Variants in MERTK observed in about 807,000 individuals in gnomAD.
MERTK encodes the protein tyrosine-protein kinase Mer.
In MERTK, 69 loss-of-function variants were observed where a neutral mutation model predicts 99.3. That is an observed-to-expected ratio of 0.70 (90% CI 0.57 to 0.85). The LOEUF (loss-of-function observed/expected upper bound fraction) is 0.85. Among genes scored for constraint, MERTK ranks in the 40% least tolerant of loss-of-function variants. MERTK has a pLI of 0.00. For synonymous variants in MERTK, 426 were observed against 467.6 expected (o/e 0.91, Z 1.15); for missense variants, 1,125 against 1,249.4 (o/e 0.90, Z 1.50).
chr2:111,937,844 G>A (rs1684791122), intron 2 of MERTK, among the ~76,000 whole-genome samples: 1 of 152,016 alleles, frequency 6.6e-6, no homozygotes, highest in South Asian at 2.1e-4. Context: ...AACGGTGGCA[G>A]GTAAAAACAG....
At position 111,951,128 on chromosome 2, in the gene MERTK, G is replaced by A. The variant is rs186461596; in HGVS notation, c.757+3561G>A. 1.5e-3 allele frequency among the ~76,000 whole-genome samples: 232 copies of A among 151,678 alleles called. 3 individuals carry two copies. The highest frequency in any genetic ancestry group is 4.8e-3 in the African/African-American group (199 of 41,360). On this transcript the variant is annotated intron_variant, in intron 4 of 18. Transcript: ENST00000295408. ...TTTTCACATAGTTACCATTTGTGGC[G>A]GAGTTCGGGGGGCGGGGAGGGAGGG...
chr2:111,990,457 T>C (rs1305122555), intron 8 of MERTK, among the ~76,000 whole-genome samples: 2 of 152,214 alleles, frequency 1.3e-5, no homozygotes, highest in East Asian at 3.8e-4. Context: ...TGGCAACGGC[T>C]ATGATGCTGG....
At chr2:111,958,196 G>A (rs1323309978) in intron 4 of MERTK, among the ~76,000 whole-genome samples, 1 of 152,126 alleles carries the variant, frequency 6.6e-6, no homozygotes, top group Non-Finnish European at 1.5e-5. Flanking sequence ...AGAGTGGGTG[G>A]GAGGGTGGAG....
intron 1 of MERTK, among the ~76,000 whole-genome samples, chr2:111,905,821 C>G (rs1684127435): frequency 6.6e-6 from 1 of 152,078 alleles, no homozygotes; most frequent in African/African-American, 2.4e-5. Context: ...TTGGCTAGTT[C>G]TTCAATTATC....
intron 1 of MERTK, among the ~76,000 whole-genome samples, chr2:111,921,834 C>T (rs1041544101): frequency 3.3e-5 from 5 of 152,112 alleles, no homozygotes; most frequent in Non-Finnish European, 7.4e-5. Flanking sequence ...CTCAAGCAAT[C>T]CTCCCGCTTC....
At chr2:111,930,076 G>T in intron 2 of MERTK, 1 of 153,046 alleles carries the variant, frequency 6.5e-6, no homozygotes, top group Non-Finnish European at 1.5e-5. Context: ...TCAGGGGCTG[G>T]GCCTGGGAGG....
intron 15 of MERTK, among the ~76,000 whole-genome samples, chr2:112,013,857 G>T (rs1405262048): frequency 6.6e-6 from 1 of 151,700 alleles, no homozygotes; most frequent in Non-Finnish European, 1.5e-5. Context: ...AATTTGGGAG[G>T]GGGGTGGTGG....
At chr2:111,963,918 A>T (rs1214990207) in intron 4 of MERTK, among the ~76,000 whole-genome samples, 1 of 151,862 alleles carries the variant, frequency 6.6e-6, no homozygotes, top group Admixed American at 6.6e-5. Context: ...TCTCGGGAGG[A>T]AGGCCATAGA....
In MERTK at chr2:111,991,777, G is replaced by A. The variant is rs1676624176; in HGVS notation, c.1297-2474G>A. The stretch of plus-strand genomic sequence containing the variant: ...CAATATATATATAATGTGTGTGGAG[G>A]GGAGCTTTCCATCCCGGGGTCCTGG... On this transcript the variant is annotated intron_variant, in intron 8 of 18. Transcript: ENST00000295408. 3.9e-5 allele frequency among the ~76,000 whole-genome samples: 6 copies of A among 152,000 alleles called. No homozygotes were observed. The South Asian group carries it at 1.0e-3, about 26-fold the overall frequency.
Position 111,929,502 on chromosome 2 carries a change from T to G in MERTK, c.444T>G (p.Tyr148Ter). The G allele has an allele frequency of 1.2e-6, 2 of 1,614,016 alleles. No homozygotes were observed. The highest frequency in any genetic ancestry group is 1.7e-6 in the Non-Finnish European group (2 of 1,179,932). ...CACATCATGCAATTACACAGTTTTA[T>G]CCAGATGATGAAGTTACAGCAATAA... ...LGAHHAITQF[Y>*]PDDEVTAIIA... The change falls in exon 2 of 19, where the codon TAT (tyrosine) becomes TAG (stop). Residue 148 changes from tyrosine (Y) to a stop codon, truncating the protein, a stop_gained. Transcript: ENST00000295408. LOFTEE classifies it high-confidence loss of function.
intron 1 of MERTK, among the ~76,000 whole-genome samples, chr2:111,924,621 G>C (rs1295920550): frequency 6.6e-6 from 1 of 152,124 alleles, no homozygotes; most frequent in Non-Finnish European, 1.5e-5. Context: ...GCCTAGCTCT[G>C]AGCCTTGCTC....
intron 10 of MERTK, among the ~76,000 whole-genome samples, chr2:112,000,888 A>G (rs373589079): frequency 1.3e-5 from 2 of 152,302 alleles, no homozygotes; most frequent in East Asian, 3.9e-4. Flanking sequence ...TCATAAGTAT[A>G]GACTTATGGA....
chr2:112,006,161 C>T (rs1263720718), intron 13 of MERTK, among the ~76,000 whole-genome samples: 7 of 152,220 alleles, frequency 4.6e-5, no homozygotes, highest in South Asian at 2.1e-4. Context: ...GGATTACAGC[C>T]GTGAGCTACC....
intron 15 of MERTK, among the ~76,000 whole-genome samples, chr2:112,017,831 T>C (rs767737347): frequency 5.3e-5 from 8 of 151,990 alleles, no homozygotes; most frequent in Non-Finnish European, 1.2e-4. Context: ...GGAGGGGTGA[T>C]AAAACAGGAA....
intron 8 of MERTK, among the ~76,000 whole-genome samples, chr2:111,990,527 T>C (rs1174921212): frequency 6.6e-6 from 1 of 152,184 alleles, no homozygotes; most frequent in Non-Finnish European, 1.5e-5. Context: ...ATTTGTTAAC[T>C]CACTTAGGAG....
intron 1 of MERTK, among the ~76,000 whole-genome samples, chr2:111,904,210 A>G (rs1298298921): frequency 6.6e-6 from 1 of 152,212 alleles, no homozygotes; most frequent in East Asian, 1.9e-4. Flanking sequence ...TAGTACAGGA[A>G]TAGCTTCTTG....
chr2:111,916,692 A>G (rs547665720), intron 1 of MERTK, among the ~76,000 whole-genome samples: 1 of 152,296 alleles, frequency 6.6e-6, no homozygotes, highest in African/African-American at 2.4e-5. Flanking sequence ...GATTTTTCAG[A>G]AGATTTGTCA....
chr2:111,900,275 A>G (rs1335927494), intron 1 of MERTK, among the ~76,000 whole-genome samples: 2 of 152,208 alleles, frequency 1.3e-5, no homozygotes, highest in Non-Finnish European at 2.9e-5. Flanking sequence ...ACGTTAAATT[A>G]CATAAGCAAT....
At chr2:111,961,524 T>A (rs1375818084) in intron 4 of MERTK, among the ~76,000 whole-genome samples, 1 of 152,168 alleles carries the variant, frequency 6.6e-6, no homozygotes, top group Non-Finnish European at 1.5e-5. Context: ...CTGAGGGAAG[T>A]ATTCCTCGTC....
Sources: gnomAD v4.1 joint callset for allele counts (sites outside exome capture counted in the v4.1 genomes callset) on GRCh38, gnomAD v4.1.1 for gene constraint, MANE v1.5 for transcripts, NCBI Gene and HGNC (gene_info 2026-07-23, HGNC 2026-07-21) for gene names.